MTUS2: variants seen among roughly 807,000 people sequenced by gnomAD.
The protein encoded by MTUS2 is microtubule associated scaffold protein 2, also known as microtubule-associated tumor suppressor candidate 2.
Under a neutral mutation model 114.1 loss-of-function variants are expected in MTUS2, and 40 were observed. The ratio of observed to expected loss-of-function variants is 0.35; its 90% CI spans 0.27 to 0.46. MTUS2 has a LOEUF of 0.46. Among genes scored for constraint, MTUS2 ranks in the 20% least tolerant of loss-of-function variants. The pLI, the probability that MTUS2 is intolerant of heterozygous loss-of-function variation, is 1.00. For missense variants in MTUS2, 1,679 were observed against 1,705.4 expected (o/e 0.98, Z 0.27); for synonymous variants, 688 against 672.0 (o/e 1.02, Z -0.37).
At chr13:28,872,995 C>T (rs1191930180) in intron 2 of MTUS2, among the ~76,000 whole-genome samples, 1 of 152,120 alleles carries the variant, frequency 6.6e-6, no homozygotes, top group Non-Finnish European at 1.5e-5. Context: ...GCTGACTTCT[C>T]AGGAGAAACA....
intron 6 of MTUS2, among the ~76,000 whole-genome samples, chr13:29,314,497 G>C (rs959647962): frequency 2.0e-5 from 3 of 152,184 alleles, no homozygotes; most frequent in African/African-American, 7.2e-5. Context: ...TTGCAATGAT[G>C]GGGGAGGTAG....
At chr13:29,431,392 T>C (rs903582346) in intron 8 of MTUS2, among the ~76,000 whole-genome samples, 3 of 152,226 alleles carry the variant, frequency 2.0e-5, no homozygotes, top group African/African-American at 7.2e-5. Flanking sequence ...TTAAAAGGCA[T>C]GGCCGGCCCT....
chr13:29,192,752 C>G (rs988062762), intron 5 of MTUS2, among the ~76,000 whole-genome samples: 40 of 152,130 alleles, frequency 2.6e-4, no homozygotes, highest in Non-Finnish European at 4.4e-5. Flanking sequence ...GCTATCTAGG[C>G]TGCTTTTCTC....
chr13:29,248,086 T>A (rs535034664), intron 5 of MTUS2, among the ~76,000 whole-genome samples: 142 of 152,370 alleles, frequency 9.3e-4, no homozygotes, highest in African/African-American at 3.3e-3. Context: ...AATGAAATAA[T>A]GGCATTCGCA....
intron 12 of MTUS2, among the ~76,000 whole-genome samples, chr13:29,493,959 A>C (rs747907943): frequency 1.2e-4 from 19 of 152,194 alleles, no homozygotes; most frequent in Non-Finnish European, 2.6e-4. Flanking sequence ...TGGTGCAAGG[A>C]GGGTGGAATT....
chr13:29,491,642 A>G (rs1054590521), intron 11 of MTUS2, among the ~76,000 whole-genome samples: 3 of 130,242 alleles, frequency 2.3e-5, no homozygotes, highest in Non-Finnish European at 4.8e-5. Context: ...GTAGGTGTGT[A>G]TGTGTGTGTG....
chr13:29,237,345 C>T (rs1162486483), intron 5 of MTUS2, among the ~76,000 whole-genome samples: 1 of 152,038 alleles, frequency 6.6e-6, no homozygotes, highest in African/African-American at 2.4e-5. Context: ...TTTTTTGGGT[C>T]ATTTCTCAGC....
intron 4 of MTUS2, among the ~76,000 whole-genome samples, chr13:29,077,163 C>A (rs565093431): frequency 1.3e-5 from 2 of 152,110 alleles, no homozygotes; most frequent in Admixed American, 6.6e-5. Flanking sequence ...TTGTGTCTTT[C>A]TTTTCTCCTT....
At chr13:29,141,029 T>C (rs2139001155) in intron 5 of MTUS2, among the ~76,000 whole-genome samples, 1 of 152,380 alleles carries the variant, frequency 6.6e-6, no homozygotes, top group South Asian at 2.1e-4. Flanking sequence ...TACATTCTTA[T>C]TCTGAACTAA....
At chr13:29,175,053 A>T (rs946675752) in intron 5 of MTUS2, among the ~76,000 whole-genome samples, 18 of 152,234 alleles carry the variant, frequency 1.2e-4, no homozygotes, top group African/African-American at 4.3e-4. Context: ...TAAGTCTTAT[A>T]CATAACCAGG....
At chr13:29,165,800 T>G (rs1566042300) in intron 5 of MTUS2, among the ~76,000 whole-genome samples, 1 of 152,154 alleles carries the variant, frequency 6.6e-6, no homozygotes, top group Non-Finnish European at 1.5e-5. Flanking sequence ...TCTGAAATAT[T>G]TTTTTCCTAC....
At chr13:29,465,441 C>T (rs768382204) in intron 9 of MTUS2, among the ~76,000 whole-genome samples, 4 of 152,138 alleles carry the variant, frequency 2.6e-5, no homozygotes, top group Non-Finnish European at 5.9e-5. Flanking sequence ...CTTTACTTAC[C>T]GCAGCACTGG....
At chr13:29,325,585 G>GGAA (rs71192604) in intron 7 of MTUS2, among the ~76,000 whole-genome samples, 114,816 of 147,906 alleles carry the variant, frequency 0.78, 46,158 homozygotes, top group East Asian at 0.89. Flanking sequence ...AGGAGGAAGA[G>GGAA]GAAGAAGAAG....
At chr13:28,867,766 C>G (rs1039771212) in intron 2 of MTUS2, among the ~76,000 whole-genome samples, 1 of 152,186 alleles carries the variant, frequency 6.6e-6, no homozygotes, top group Non-Finnish European at 1.5e-5. Context: ...AGCTTTCACA[C>G]CTGCATCCCG....
chr13:29,263,701 C>T (rs889821783), intron 5 of MTUS2, among the ~76,000 whole-genome samples: 1 of 152,064 alleles, frequency 6.6e-6, no homozygotes, highest in Admixed American at 6.5e-5. Flanking sequence ...AGGTGCCACA[C>T]ACTTTTACAA....
intron 5 of MTUS2, among the ~76,000 whole-genome samples, chr13:29,210,438 T>G (rs1328077830): frequency 2.6e-5 from 4 of 152,158 alleles, no homozygotes; most frequent in Non-Finnish European, 5.9e-5. Flanking sequence ...ATTCAGAGAT[T>G]TCTCCTTGGT....
chr13:29,117,100 T>C (rs867863819), intron 5 of MTUS2, among the ~76,000 whole-genome samples: 1 of 152,226 alleles, frequency 6.6e-6, no homozygotes, highest in Non-Finnish European at 1.5e-5. Flanking sequence ...ACCGTGTTCA[T>C]GATACTTTCT....
intron 5 of MTUS2, among the ~76,000 whole-genome samples, chr13:29,115,672 T>G (rs1593492574): frequency 6.6e-6 from 1 of 152,372 alleles, no homozygotes; most frequent in South Asian, 2.1e-4. Context: ...TGTAATTTAT[T>G]GGTTTCCTTT....
At position 28,834,302 on chromosome 13, in the gene MTUS2, C is replaced by T. The variant is rs183232817; in HGVS notation, c.-315-5476C>T. Reference sequence around the variant, plus strand: ...TAACACAAAACTACCGTAATAAAGACAGCATGGTGCAGGCAAATTATATCC... The same window carrying T: ...TAACACAAAACTACCGTAATAAAGATAGCATGGTGCAGGCAAATTATATCC... On this transcript the variant is annotated intron_variant, in intron 1 of 15. Transcript: ENST00000612955. 2.6e-5 allele frequency among the ~76,000 whole-genome samples: 4 copies of T among 152,212 alleles called. No individual in the cohort carries two copies. The East Asian group carries it at 7.7e-4, about 29-fold the overall frequency.
Sources: gnomAD v4.1 joint callset for allele counts (sites outside exome capture counted in the v4.1 genomes callset) on GRCh38, gnomAD v4.1.1 for gene constraint, MANE v1.5 for transcripts, NCBI Gene and HGNC (gene_info 2026-07-23, HGNC 2026-07-21) for gene names.